FANCI: variants seen among roughly 807,000 people sequenced by gnomAD.
FANCI encodes the protein FA complementation group I.
FANCI carries 156 observed loss-of-function variants against 176.1 expected under a neutral mutation model. That is an observed-to-expected ratio of 0.89 (90% CI 0.78 to 1.01). The LOEUF is 1.01. Ranked by LOEUF, FANCI falls within the 50% of genes least tolerant of loss-of-function variation. FANCI has a pLI of 0.00. For missense variants in FANCI, 1,678 were observed against 1,534.1 expected (o/e 1.09, Z -1.57); for synonymous variants, 613 against 541.7 (o/e 1.13, Z -1.83).
chr15:89,271,475 A>T (rs533288262), intron 10 of FANCI, among the ~76,000 whole-genome samples: 1 of 152,070 alleles, frequency 6.6e-6, no homozygotes, highest in Non-Finnish European at 1.5e-5. Context: ...GTTGTAGCGT[A>T]TGTCAGTATT....
At chr15:89,316,375 C>CATTA (rs758928059) in intron 37 of FANCI, 22 bp from the exon 38 acceptor site, 19 of 1,605,946 alleles carry the variant, frequency 1.2e-5, no homozygotes, top group Admixed American at 5.1e-5. Context: ...CACGTTAGAG[C>CATTA]ATTAATTCTT....
chr15:89,311,195 G>A (rs961503460), intron 34 of FANCI, among the ~76,000 whole-genome samples: 1 of 151,876 alleles, frequency 6.6e-6, no homozygotes, highest in African/African-American at 2.4e-5. Flanking sequence ...GGAGGTGGAG[G>A]TTGCAGTGAG....
rs1347400317 is a variant in FANCI, at chr15:89,280,905, T to C, written c.1382-265T>C. Among the ~76,000 whole-genome samples, 3 of 152,236 alleles carry C rather than the reference T, an allele frequency of 2.0e-5. No individual in the cohort carries two copies. In the East Asian group the frequency reaches 5.8e-4, roughly 29 times the overall value. On this transcript the variant is annotated intron_variant, in intron 14 of 37. Transcript: ENST00000310775. The stretch of plus-strand genomic sequence containing the variant: ...GTAAGAAGATGTGTGCTACTACTTA[T>C]GTCTAGGCAGTGTAATCGGTTTCTT...
intron 2 of FANCI, among the ~76,000 whole-genome samples, chr15:89,257,402 C>T (rs2052543104): frequency 1.3e-5 from 2 of 152,170 alleles, no homozygotes; most frequent in Non-Finnish European, 2.9e-5. Flanking sequence ...GTTCTGGAGA[C>T]TAGAAGTGCA....
At chr15:89,300,267 C>G (rs1567170601) in intron 25 of FANCI, 33 bp from the exon 26 acceptor site, 1 of 1,594,956 alleles carries the variant, frequency 6.3e-7, no homozygotes, top group Non-Finnish European at 8.6e-7. Context: ...GAGTTTATAT[C>G]AAAGAAGACA....
intron 12 of FANCI, 95 bp downstream of exon 12, chr15:89,274,399 G>A: frequency 7.1e-7 from 1 of 1,410,146 alleles, no homozygotes; most frequent in Non-Finnish European, 9.9e-7. Flanking sequence ...AGGGGAAACT[G>A]ATGACTTAAC....
intron 17 of FANCI, among the ~76,000 whole-genome samples, chr15:89,284,136 C>T (rs1039395651): frequency 1.3e-5 from 2 of 152,154 alleles, no homozygotes; most frequent in African/African-American, 2.4e-5. Flanking sequence ...CTCATTTAAT[C>T]TTCACAGCAG....
At chr15:89,294,293 A>C (rs1017944247) in intron 23 of FANCI, among the ~76,000 whole-genome samples, 1 of 152,200 alleles carries the variant, frequency 6.6e-6, no homozygotes, top group African/African-American at 2.4e-5. Context: ...AGATATAAAA[A>C]GGTAGGGGGT....
chr15:89,251,600 T>C (rs915323262), intron 2 of FANCI, among the ~76,000 whole-genome samples: 1 of 152,148 alleles, frequency 6.6e-6, no homozygotes, highest in Admixed American at 6.6e-5. Flanking sequence ...AATATTGATA[T>C]AAAAGTCTTA....
chr15:89,268,019 A>G lies in FANCI; in HGVS notation c.756-380A>G, dbSNP rs138478357. On this transcript the variant is annotated intron_variant, in intron 9 of 37. Coordinates refer to ENST00000310775, the MANE Select transcript of FANCI (RefSeq NM_001113378.2). ...GTAAACACCTGCCTTCAGTGATTGTATGAGTTTAGCTTGAGTTGGTCTACT... is the reference window on the plus strand; with the variant it reads ...GTAAACACCTGCCTTCAGTGATTGTGTGAGTTTAGCTTGAGTTGGTCTACT... 2.6e-3 allele frequency among the ~76,000 whole-genome samples: 396 copies of G among 152,348 alleles called. 4 individuals carry two copies. Among genetic ancestry groups the G allele is most frequent in the African/African-American group, 9.3e-3 (385 of 41,582 alleles).
At chr15:89,304,045 A>C (rs2054621564) in intron 28 of FANCI, 130 bp downstream of exon 28, 1 of 830,384 alleles carries the variant, frequency 1.2e-6, no homozygotes, top group Non-Finnish European at 2.1e-6. Context: ...ACAGACACCT[A>C]ATACCAAGTC....
At chr15:89,267,802 C>T (rs1240962411) in intron 9 of FANCI, among the ~76,000 whole-genome samples, 1 of 152,088 alleles carries the variant, frequency 6.6e-6, no homozygotes, top group Non-Finnish European at 1.5e-5. Flanking sequence ...TGGCACATGC[C>T]TGTAGTCCCA....
chr15:89,251,144 A>C (rs1384497264), intron 2 of FANCI, among the ~76,000 whole-genome samples: 1 of 152,216 alleles, frequency 6.6e-6, no homozygotes, highest in African/African-American at 2.4e-5. Flanking sequence ...GTTAATACAG[A>C]GAAAATCTCA....
At chr15:89,247,799 T>G in intron 2 of FANCI, 68 bp downstream of exon 2, 1 of 1,386,356 alleles carries the variant, frequency 7.2e-7, no homozygotes, top group South Asian at 1.2e-5. Context: ...AAAGGACATG[T>G]GAGAAAGAAA....
chr15:89,245,718 G>T (rs2151025404), intron 1 of FANCI: 1 of 152,216 alleles, frequency 6.6e-6, no homozygotes, highest in East Asian at 1.9e-4. Context: ...GGTAGGCATG[G>T]GTCAGAACTT....
chr15:89,279,314 C>G (rs1567155850), intron 14 of FANCI, among the ~76,000 whole-genome samples: 1 of 152,156 alleles, frequency 6.6e-6, no homozygotes, highest in Non-Finnish European at 1.5e-5. Flanking sequence ...CACGCTACCA[C>G]ACCCAGTTAA....
chr15:89,263,737 A>G (rs549157332), intron 7 of FANCI, among the ~76,000 whole-genome samples, 166 bp from the exon 8 acceptor site: 6 of 152,334 alleles, frequency 3.9e-5, no homozygotes, highest in African/African-American at 1.2e-4. Flanking sequence ...AGAAAAATCA[A>G]AAGGGACAGT....
intron 34 of FANCI, 31 bp from the exon 35 acceptor site, chr15:89,312,873 G>A (rs371357755): frequency 4.2e-5 from 66 of 1,567,738 alleles, no homozygotes; most frequent in Non-Finnish European, 5.0e-5. Flanking sequence ...AAAATCATCA[G>A]GAATAAGAGA....
intron 1 of FANCI, among the ~76,000 whole-genome samples, chr15:89,247,406 A>T (rs1567134238): frequency 6.6e-6 from 1 of 152,182 alleles, no homozygotes; most frequent in Admixed American, 6.5e-5. Flanking sequence ...TAATAAGGCA[A>T]TTCCAGGGAA....
Sources: allele counts gnomAD v4.1 joint callset (sites outside exome capture counted in the v4.1 genomes callset), GRCh38; gene constraint gnomAD v4.1.1; transcripts MANE v1.5; gene names NCBI Gene and HGNC (gene_info 2026-07-23, HGNC 2026-07-21).